The following CHN2 variants were observed in gnomAD, a reference collection of about 807,000 sequenced individuals.
CHN2 encodes chimerin 2, also known as beta-chimaerin.
Under a neutral mutation model 56.3 loss-of-function variants are expected in CHN2, and 35 were observed. That is an observed-to-expected ratio of 0.62 (90% CI 0.47 to 0.82). The LOEUF (loss-of-function observed/expected upper bound fraction) is 0.82. CHN2 is among the 40% of genes least tolerant of loss of function. The pLI, the probability that CHN2 is intolerant of heterozygous loss-of-function variation, is 0.00. For missense variants in CHN2, 491 were observed against 580.5 expected, an observed-to-expected ratio of 0.85 and a Z score of 1.58; for synonymous variants, 210 against 212.8, an observed-to-expected ratio of 0.99 and a Z score of 0.12.
chr7:29,368,717 A>G (rs908681214), intron 3 of CHN2, among the ~76,000 whole-genome samples: 16 of 152,170 alleles, frequency 1.1e-4, no homozygotes, highest in African/African-American at 3.6e-4. Context: ...CACTCTTGAG[A>G]TTCACTCTTG....
At chr7:29,264,621 G>C (rs1165129291) in intron 1 of CHN2, among the ~76,000 whole-genome samples, 2 of 152,160 alleles carry the variant, frequency 1.3e-5, no homozygotes, top group African/African-American at 2.4e-5. Context: ...CAGCATACTC[G>C]TTAAGGGTCA....
At chr7:29,399,802 A>G (rs1262392216) in intron 5 of CHN2, among the ~76,000 whole-genome samples, 1 of 152,172 alleles carries the variant, frequency 6.6e-6, no homozygotes, top group African/African-American at 2.4e-5. Flanking sequence ...TTAAAAAGCT[A>G]TTATATCATG....
intron 6 of CHN2, among the ~76,000 whole-genome samples, chr7:29,446,184 C>T (rs918908483): frequency 5.3e-5 from 8 of 152,150 alleles, no homozygotes; most frequent in Non-Finnish European, 8.8e-5. Flanking sequence ...TTAGTGTACA[C>T]TGCTCGGGTT....
chr7:29,371,964 C>T (rs1799651445), intron 3 of CHN2, among the ~76,000 whole-genome samples: 2 of 152,120 alleles, frequency 1.3e-5, no homozygotes, highest in African/African-American at 2.4e-5. Flanking sequence ...CCACTCCTTG[C>T]AGCTTCCCTG....
intron 1 of CHN2, among the ~76,000 whole-genome samples, chr7:29,344,853 C>A (rs1275545303): frequency 6.6e-6 from 1 of 152,198 alleles, no homozygotes; most frequent in Non-Finnish European, 1.5e-5. Context: ...CTTCCAAAGG[C>A]TGAGGAGTCC....
chr7:29,385,469 C>T (rs1212201831), intron 3 of CHN2, among the ~76,000 whole-genome samples: 1 of 152,056 alleles, frequency 6.6e-6, no homozygotes, highest in African/African-American at 2.4e-5. Flanking sequence ...GCCAGGAATA[C>T]CCTCCCCCGA....
At chr7:29,149,716 C>T (rs886519277) in intron 2 of CHN2, among the ~76,000 whole-genome samples, 1 of 152,026 alleles carries the variant, frequency 6.6e-6, no homozygotes, top group South Asian at 2.1e-4. Context: ...GATCCTTCCT[C>T]GCTGCTTCTA....
chr7:29,328,144 T>C (rs971155916), intron 1 of CHN2, among the ~76,000 whole-genome samples: 2 of 152,200 alleles, frequency 1.3e-5, no homozygotes, highest in Non-Finnish European at 2.9e-5. Context: ...TCATTTCTGC[T>C]CGGCCTTGTA....
At chr7:29,280,065 A>T (rs1272625461) in intron 1 of CHN2, among the ~76,000 whole-genome samples, 1 of 152,108 alleles carries the variant, frequency 6.6e-6, no homozygotes, top group Non-Finnish European at 1.5e-5. Flanking sequence ...AAGGCCAGTG[A>T]GGAGGTGTTC....
chr7:29,262,689 A>G, intron 1 of CHN2, among the ~76,000 whole-genome samples: 1 of 152,158 alleles, frequency 6.6e-6, no homozygotes, highest in East Asian at 1.9e-4. Flanking sequence ...GCAAAAGAGA[A>G]ACAATTCTGA....
At chr7:29,487,206 G>T (rs866340712) in intron 7 of CHN2, among the ~76,000 whole-genome samples, 183 of 149,056 alleles carry the variant, frequency 1.2e-3, no homozygotes, top group African/African-American at 3.3e-3. Context: ...GGCTTGTTTT[G>T]TTTTTTTTTT....
At chr7:29,349,113 G>C (rs1002020428) in intron 1 of CHN2, among the ~76,000 whole-genome samples, 2 of 152,144 alleles carry the variant, frequency 1.3e-5, no homozygotes, top group Non-Finnish European at 2.9e-5. Flanking sequence ...ACTACACATT[G>C]TATGTTATTT....
intron 1 of CHN2, among the ~76,000 whole-genome samples, chr7:29,299,167 A>T (rs1793441087): frequency 6.6e-6 from 1 of 152,156 alleles, no homozygotes; most frequent in South Asian, 2.1e-4. Flanking sequence ...AAAGGACCAA[A>T]CATCCTATGG....
At chr7:29,323,583 T>C (rs1438159514) in intron 1 of CHN2, among the ~76,000 whole-genome samples, 1 of 152,052 alleles carries the variant, frequency 6.6e-6, no homozygotes, top group Non-Finnish European at 1.5e-5. Flanking sequence ...ACGTGGGAGA[T>C]GGAGTTCATA....
intron 2 of CHN2, among the ~76,000 whole-genome samples, chr7:29,175,743 C>T (rs1299668061): frequency 6.6e-6 from 1 of 151,338 alleles, no homozygotes; most frequent in East Asian, 1.9e-4. Flanking sequence ...CCAAGCGGAG[C>T]ACAGGGAAAA....
intron 6 of CHN2, among the ~76,000 whole-genome samples, chr7:29,475,020 C>T (rs1394768953): frequency 6.6e-6 from 1 of 152,096 alleles, no homozygotes; most frequent in African/African-American, 2.4e-5. Context: ...CCATTCCTTT[C>T]CTGGGCACTT....
intron 1 of CHN2, among the ~76,000 whole-genome samples, chr7:29,252,154 CAT>C (rs1788572308): frequency 6.7e-6 from 1 of 149,802 alleles, no homozygotes; most frequent in African/African-American, 2.5e-5. Flanking sequence ...GCAAATTGGG[CAT>C]AATAAAACCT....
chr7:29,503,380 T>C (rs535171636), intron 9 of CHN2, among the ~76,000 whole-genome samples: 11 of 152,326 alleles, frequency 7.2e-5, no homozygotes. Flanking sequence ...TGTTCACTGC[T>C]AGGGGCTCCC....
chr7:29,309,453 C>T (rs1226541294), intron 1 of CHN2, among the ~76,000 whole-genome samples: 1 of 152,228 alleles, frequency 6.6e-6, no homozygotes, highest in East Asian at 1.9e-4. Context: ...CTCCTACCAC[C>T]TGTTCCTATT....
Sources: gnomAD v4.1 joint callset for allele counts (sites outside exome capture counted in the v4.1 genomes callset) on GRCh38, gnomAD v4.1.1 for gene constraint, MANE v1.5 for transcripts, NCBI Gene and HGNC (gene_info 2026-07-23, HGNC 2026-07-21) for gene names.